CFAP161: variants seen among roughly 807,000 people sequenced by gnomAD.
CFAP161 encodes the protein cilia and flagella associated protein 161, also known as cilia- and flagella-associated protein 161.
CFAP161 carries 25 observed loss-of-function variants against 29.0 expected under a neutral mutation model. That is an observed-to-expected ratio of 0.86 (90% CI 0.63 to 1.20). The LOEUF (loss-of-function observed/expected upper bound fraction) is 1.20, where lower values mean the gene tolerates loss of function less well. Ranked by LOEUF, CFAP161 falls within the 50% of genes most tolerant of loss-of-function variation. CFAP161 has a pLI of 0.00. For missense variants in CFAP161, 367 were observed against 371.9 expected (o/e 0.99, Z 0.11); for synonymous variants, 116 against 137.4 (o/e 0.84, Z 1.09).
At position 81,136,647 on chromosome 15, in the gene CFAP161, T is replaced by A. The variant is rs1894815445; in HGVS notation, c.291T>A (p.Asp97Glu). ...ACCTGAGCCTGTGTATGACTCCAGA[T>A]GAAATTCAGTCCCATCTGAAAGACG... is the stretch of plus-strand genomic sequence containing the variant. ...RGDLSLCMTP[D>E]EIQSHLKDEL... Residue 97 changes from aspartate (D) to glutamate (E), a missense_variant, in exon 3 of 7, where the codon GAT becomes GAA. Coordinates refer to ENST00000286732, the MANE Select transcript of CFAP161 (RefSeq NM_173528.4). The A allele has an allele frequency of 6.2e-7, 1 of 1,614,062 alleles. No homozygotes were observed. Among genetic ancestry groups the A allele is most frequent in the Non-Finnish European group, 8.5e-7 (1 of 1,180,036 alleles).
chr15:81,108,178 G>A (rs1026139792), intron 1 of CFAP161, among the ~76,000 whole-genome samples: 2 of 152,166 alleles, frequency 1.3e-5, no homozygotes, highest in African/African-American at 4.8e-5. Flanking sequence ...TGTACTGTAA[G>A]TGAATAATTG....
At chr15:81,104,840 T>C (rs1227559850) in intron 1 of CFAP161, among the ~76,000 whole-genome samples, 1 of 152,162 alleles carries the variant, frequency 6.6e-6, no homozygotes, top group Non-Finnish European at 1.5e-5. Flanking sequence ...AGTTTGCTAT[T>C]TATATGGCAT....
intron 3 of CFAP161, among the ~76,000 whole-genome samples, chr15:81,137,557 C>A (rs551173724): frequency 1.3e-5 from 2 of 152,290 alleles, no homozygotes; most frequent in Admixed American, 6.5e-5. Flanking sequence ...GATTGCACCA[C>A]TGAACTCCAG....
chr15:81,112,840 T>C (rs933151209), intron 1 of CFAP161, among the ~76,000 whole-genome samples: 2 of 152,200 alleles, frequency 1.3e-5, no homozygotes, highest in African/African-American at 2.4e-5. Context: ...AGTATATAGC[T>C]AGTTTATGTC....
chr15:81,138,893 C>G (rs1043613999), intron 4 of CFAP161, among the ~76,000 whole-genome samples: 1 of 152,170 alleles, frequency 6.6e-6, no homozygotes, highest in Non-Finnish European at 1.5e-5. Flanking sequence ...ACTCAAGTCA[C>G]TCAGTTAGCA....
intron 2 of CFAP161, among the ~76,000 whole-genome samples, chr15:81,129,238 C>T (rs1242356551): frequency 6.6e-6 from 1 of 152,020 alleles, no homozygotes; most frequent in African/African-American, 2.4e-5. Flanking sequence ...AGGCTTTCTT[C>T]TTCCAGTTAT....
In CFAP161 at chr15:81,143,638, G is replaced by A. The variant is rs542421075; in HGVS notation, c.478-24G>A. Reference sequence around the variant, plus strand: ...GCTTTTCACAGAGCTCTGACTTAGTGCATCTGCTTGCTGTCATTTTCAGTT... The same window carrying A: ...GCTTTTCACAGAGCTCTGACTTAGTACATCTGCTTGCTGTCATTTTCAGTT... On this transcript the variant is annotated intron_variant, in intron 4 of 6. Transcript: ENST00000286732. 4.1e-4 allele frequency: 658 copies of A among 1,602,608 alleles called. 8 individuals carry two copies. In the South Asian group the frequency reaches 6.7e-3, roughly 16 times the overall value.
At chr15:81,114,146 A>G (rs530329011) in intron 1 of CFAP161, among the ~76,000 whole-genome samples, 60 of 152,322 alleles carry the variant, frequency 3.9e-4, no homozygotes, top group African/African-American at 1.4e-3. Flanking sequence ...GCTACAACAT[A>G]CAGGCATACC....
Position 81,137,180 on chromosome 15 carries a change from A to T in CFAP161, c.392+432A>T, listed in dbSNP as rs1191238154. ...TCTCTTTTAAAATTAACTGTCCATT[A>T]AAAATGTATTTGAAGAGATTTTGAA... On this transcript the variant is annotated intron_variant, in intron 3 of 6. Transcript: ENST00000286732. 2.0e-5 allele frequency among the ~76,000 whole-genome samples: 3 copies of T among 152,190 alleles called. No individual in the cohort carries two copies. The East Asian group carries it at 5.8e-4, about 29-fold the overall frequency.
At chr15:81,138,279 T>C in intron 4 of CFAP161, 144 bp downstream of exon 4, 1 of 661,598 alleles carries the variant, frequency 1.5e-6, no homozygotes, top group East Asian at 2.8e-5. Flanking sequence ...CTTGCAGCTT[T>C]TCACAGGCAG....
chr15:81,132,170 A>C (rs1894720636), upstream of CFAP161, among the ~76,000 whole-genome samples: 2 of 152,100 alleles, frequency 1.3e-5, no homozygotes. Context: ...CCAGGTACTC[A>C]GGAGGCTGAG....
chr15:81,119,745 A>T (rs1894546522), intron 1 of CFAP161, among the ~76,000 whole-genome samples: 1 of 152,134 alleles, frequency 6.6e-6, no homozygotes, highest in Non-Finnish European at 1.5e-5. Context: ...AAAGACATTA[A>T]AAGGTTCAAA....
chr15:81,136,516 A>G lies in CFAP161; in HGVS notation c.160A>G (p.Met54Val), dbSNP rs190354276. The change falls in exon 3 of 7, where the codon ATG becomes GTG. Residue 54 changes from methionine to valine, a missense_variant and splice_region_variant. Physicochemically the swap from Met to Val is conservative, Grantham distance 21. Transcript: ENST00000286732. ...TAATAAACTACTATCAAAATTGTAG[A>G]TGCAACTTTCCGTAACTGAAGATGG... ...RRLKQNLLRP[M>V]QLSVTEDGYI... 1.2e-6 allele frequency: 2 copies of G among 1,613,882 alleles called. No individual in the cohort carries two copies. The highest frequency in any genetic ancestry group is 2.2e-5 in the East Asian group (1 of 44,882).
At chr15:81,110,141 T>A (rs1894422681) in intron 1 of CFAP161, among the ~76,000 whole-genome samples, 3 of 152,162 alleles carry the variant, frequency 2.0e-5, no homozygotes, top group South Asian at 4.1e-4. Flanking sequence ...TGGTGCAAAA[T>A]TTTTTTAAAT....
In CFAP161 at chr15:81,136,480, C is replaced by T. The variant is rs1026713834; in HGVS notation, c.160-36C>T. 4 of 1,581,612 alleles carry T rather than the reference C, an allele frequency of 2.5e-6. No homozygotes were observed. In the African/African-American group the frequency reaches 5.4e-5, roughly 21 times the overall value. Reference sequence around the variant, plus strand: ...CTTGGCAGTAACTGTTGAGGAATTGCATGGTTTATGTAATAAACTACTATC... The same window carrying T: ...CTTGGCAGTAACTGTTGAGGAATTGTATGGTTTATGTAATAAACTACTATC... On this transcript the variant is annotated intron_variant, in intron 2 of 6. Transcript: ENST00000286732.
At chr15:81,141,852 GT>G (rs1450506016) in intron 4 of CFAP161, among the ~76,000 whole-genome samples, 3 of 151,772 alleles carry the variant, frequency 2.0e-5, no homozygotes, top group African/African-American at 7.3e-5. Context: ...ACCTGGCTAA[GT>G]TTTGTATTTT....
intron 4 of CFAP161, among the ~76,000 whole-genome samples, chr15:81,138,367 G>C (rs915712978): frequency 6.6e-6 from 1 of 152,188 alleles, no homozygotes; most frequent in Non-Finnish European, 1.5e-5. Flanking sequence ...CAGTAAGGGA[G>C]GAAAACCATT....
intron 1 of CFAP161, 71 bp from the exon 2 acceptor site, chr15:81,135,199 C>G: frequency 9.1e-7 from 1 of 1,093,058 alleles, no homozygotes; most frequent in Non-Finnish European, 1.3e-6. Context: ...CTTGGAAGAG[C>G]TTCTGACCTA....
intron 1 of CFAP161, among the ~76,000 whole-genome samples, chr15:81,122,836 C>A (rs1394104273): frequency 6.6e-6 from 1 of 152,034 alleles, no homozygotes; most frequent in African/African-American, 2.4e-5. Context: ...TGTATATCTT[C>A]TTTTGATAAG....
Sources: allele counts gnomAD v4.1 joint callset (sites outside exome capture counted in the v4.1 genomes callset), GRCh38; gene constraint gnomAD v4.1.1; transcripts MANE v1.5; gene names NCBI Gene and HGNC (gene_info 2026-07-23, HGNC 2026-07-21).